The following PLCG2 variants were observed in gnomAD, a reference collection of about 807,000 sequenced individuals.
PLCG2 encodes phospholipase C gamma 2, also known as 1-phosphatidylinositol 4,5-bisphosphate phosphodiesterase gamma-2.
Under a neutral mutation model 175.6 loss-of-function variants are expected in PLCG2, and 69 were observed. That is an observed-to-expected ratio of 0.39 (90% CI 0.32 to 0.48). The LOEUF is 0.48. Ranked by LOEUF, PLCG2 falls within the 20% of genes least tolerant of loss-of-function variation. The pLI is 0.91. For synonymous variants in PLCG2, 827 were observed against 624.0 expected (o/e 1.33, Z -4.85); for missense variants, 1,798 against 1,650.9 (o/e 1.09, Z -1.54).
chr16:81,876,026 TTTTTTTTTTTTG>T (rs1907769127), intron 7 of PLCG2, among the ~76,000 whole-genome samples: 2 of 145,182 alleles, frequency 1.4e-5, no homozygotes, highest in Admixed American at 6.9e-5. Flanking sequence ...CTTTTTTTTT[TTTTTTTTTTTTG>T]TTTTTGAGAC....
intron 2 of PLCG2, among the ~76,000 whole-genome samples, chr16:81,760,757 A>AATAAT (rs1555562066): frequency 4.1e-5 from 6 of 146,344 alleles, no homozygotes; most frequent in African/African-American, 1.2e-4. Context: ...TTAAAAAAAA[A>AATAAT]AATAATAATA....
intron 30 of PLCG2, among the ~76,000 whole-genome samples, chr16:81,944,934 A>T (rs992543690): frequency 1.3e-5 from 2 of 152,174 alleles, no homozygotes; most frequent in African/African-American, 4.8e-5. Context: ...AATTTTTTTT[A>T]GTGTTGCTGT....
intron 2 of PLCG2, among the ~76,000 whole-genome samples, chr16:81,833,667 C>T (rs2143395551): frequency 6.6e-6 from 1 of 151,898 alleles, no homozygotes; most frequent in Non-Finnish European, 1.5e-5. Context: ...GTAGCTGGGA[C>T]CACAGGCATG....
chr16:81,922,904 C>T (rs74029303), intron 21 of PLCG2, among the ~76,000 whole-genome samples: 253 of 152,274 alleles, frequency 1.7e-3, no homozygotes, highest in African/African-American at 5.5e-3. Flanking sequence ...CAGAGACCAC[C>T]TTTTGATGAA....
chr16:81,890,245 C>T (rs1344277264), intron 10 of PLCG2, among the ~76,000 whole-genome samples: 1 of 152,174 alleles, frequency 6.6e-6, no homozygotes, highest in Non-Finnish European at 1.5e-5. Context: ...TAGCAGAATC[C>T]AGGCTCCTCT....
chr16:81,844,815 C>G (rs1427893212), intron 2 of PLCG2, among the ~76,000 whole-genome samples: 1 of 152,254 alleles, frequency 6.6e-6, no homozygotes, highest in Non-Finnish European at 1.5e-5. Flanking sequence ...TGTGTGTACA[C>G]ACATGGATGC....
chr16:81,750,994 T>A (rs1402025411), intron 1 of PLCG2, among the ~76,000 whole-genome samples: 1 of 140,682 alleles, frequency 7.1e-6, no homozygotes, highest in Non-Finnish European at 1.5e-5. Flanking sequence ...TTTTTTTTTT[T>A]TTTCAAACAG....
intron 31 of PLCG2, among the ~76,000 whole-genome samples, chr16:81,948,068 G>C (rs769403583): frequency 7.1e-6 from 1 of 140,764 alleles, no homozygotes; most frequent in Non-Finnish European, 1.7e-5. Flanking sequence ...GAGTCAAGTC[G>C]TTGGCAGTTC....
intron 2 of PLCG2, among the ~76,000 whole-genome samples, chr16:81,817,426 T>G (rs1904599652): frequency 6.6e-6 from 1 of 152,254 alleles, no homozygotes; most frequent in Non-Finnish European, 1.5e-5. Context: ...AGAAGGAGTT[T>G]CGCTTTTGTT....
intron 2 of PLCG2, among the ~76,000 whole-genome samples, chr16:81,850,641 C>G (rs1170750304): frequency 6.6e-6 from 1 of 152,128 alleles, no homozygotes; most frequent in Non-Finnish European, 1.5e-5. Context: ...TCCCCGAAGA[C>G]AGTCAGGAGA....
upstream of PLCG2, among the ~76,000 whole-genome samples, chr16:81,776,081 C>CGTTCTT (rs768932030): frequency 1.8e-5 from 2 of 110,586 alleles, 1 homozygote; most frequent in Non-Finnish European, 4.0e-5. Context: ...CTTTCTCTCT[C>CGTTCTT]TCTCTCTCTT....
chr16:81,944,854 G>C (rs959141138), intron 30 of PLCG2, among the ~76,000 whole-genome samples: 2 of 152,252 alleles, frequency 1.3e-5, no homozygotes, highest in Admixed American at 1.3e-4. Flanking sequence ...GTCCCCCATA[G>C]ATATCAAGGG....
At position 81,932,233 on chromosome 16, in the gene PLCG2, G is replaced by A. The variant is rs184736406; in HGVS notation, c.2739+579G>A. Among the ~76,000 whole-genome samples the A allele has an allele frequency of 2.8e-5, 4 of 143,118 alleles. No individual in the cohort carries two copies. In the East Asian group the frequency reaches 6.6e-4, roughly 24 times the overall value. 93.9% of individuals were successfully genotyped at this position (143,118 alleles called of 152,430 possible). Reference sequence around the variant, plus strand: ...GATAAGAATAGGAGGTCTGGAATTGGGCAGACTGGAGTTTGCATCCTGGCA... The same window carrying A: ...GATAAGAATAGGAGGTCTGGAATTGAGCAGACTGGAGTTTGCATCCTGGCA... On this transcript the variant is annotated intron_variant, in intron 25 of 32. Transcript: ENST00000564138.
At position 81,786,253 on chromosome 16, in the gene PLCG2, C is replaced by G. The variant is rs1034788127; in HGVS notation, c.193+71C>G. 5.6e-6 allele frequency: 7 copies of G among 1,245,512 alleles called. No homozygotes were observed. In the African/African-American group the frequency reaches 9.0e-5, roughly 16 times the overall value. The allele number at this position is 1,245,512 out of a possible 1,614,324, so 77.2% of individuals were successfully genotyped here. On this transcript the variant is annotated intron_variant, in intron 2 of 32. Coordinates refer to ENST00000564138, the MANE Select transcript of PLCG2 (RefSeq NM_002661.5). The stretch of plus-strand genomic sequence containing the variant: ...CTGGCCTGAGCACCTGTCCACCTTC[C>G]TGTCTTGTCATTACTGTGATTGTTG...
chr16:81,927,712 C>G (rs992411841), intron 23 of PLCG2, among the ~76,000 whole-genome samples: 3 of 152,104 alleles, frequency 2.0e-5, no homozygotes, highest in Non-Finnish European at 4.4e-5. Context: ...CGTTAGACCC[C>G]CAGGTGTTTA....
chr16:81,931,696 T>A (rs1910510117), intron 25 of PLCG2, 42 bp downstream of exon 25: 1 of 1,592,082 alleles, frequency 6.3e-7, no homozygotes, highest in African/African-American at 1.3e-5. Flanking sequence ...CCTGGCATTC[T>A]GAGGGCTTTG....
intron 5 of PLCG2, among the ~76,000 whole-genome samples, chr16:81,863,842 C>T (rs1001022893): frequency 1.3e-5 from 2 of 152,168 alleles, no homozygotes; most frequent in African/African-American, 2.4e-5. Context: ...ACTACTCTAC[C>T]AGGAGGTGGC....
chr16:81,800,866 A>G (rs1192649046), intron 2 of PLCG2, among the ~76,000 whole-genome samples: 2 of 152,112 alleles, frequency 1.3e-5, no homozygotes, highest in African/African-American at 4.8e-5. Flanking sequence ...ATATGATGAA[A>G]TCACAAAGGT....
At chr16:81,774,435 A>G (rs1446024436), upstream of PLCG2, among the ~76,000 whole-genome samples, 1 of 152,174 alleles carries the variant, frequency 6.6e-6, no homozygotes, top group African/African-American at 2.4e-5. Context: ...CCCTACCTCC[A>G]GAAGCAGTGA....
Sources: gnomAD v4.1 joint callset for allele counts (sites outside exome capture counted in the v4.1 genomes callset) on GRCh38, gnomAD v4.1.1 for gene constraint, MANE v1.5 for transcripts, NCBI Gene and HGNC (gene_info 2026-07-23, HGNC 2026-07-21) for gene names.